Variants in A2ML1 observed in about 807,000 individuals in gnomAD.
A2ML1 encodes the protein alpha-2-macroglobulin-like protein 1.
Under a neutral mutation model 181.9 loss-of-function variants are expected in A2ML1, and 161 were observed. The observed-to-expected ratio is 0.89, with a 90% CI of 0.78 to 1.01. The LOEUF is 1.01. A2ML1 is among the 50% of genes least tolerant of loss of function. The pLI is 0.00. For synonymous variants in A2ML1, 663 were observed against 666.8 expected, an observed-to-expected ratio of 0.99 and a Z score of 0.09; for missense variants, 1,670 against 1,768.1, an observed-to-expected ratio of 0.94 and a Z score of 1.00.
At chr12:8,846,377 T>C (rs1386860975) in intron 14 of A2ML1, among the ~76,000 whole-genome samples, 155 bp downstream of exon 14, 5 of 152,168 alleles carry the variant, frequency 3.3e-5, no homozygotes, top group Non-Finnish European at 5.9e-5. Context: ...GGGGTTTGTG[T>C]TGAAATCCAT....
rs1216879179 is a variant in A2ML1, at chr12:8,848,858, TC to T, written c.1974del (p.Ile659LeufsTer22). 1.2e-6 allele frequency: 2 copies of T among 1,614,038 alleles called. No individual in the cohort carries two copies. The highest frequency in any genetic ancestry group is 8.5e-7 in the Non-Finnish European group (1 of 1,180,034). ...GCCCCAAGGGCATTCGAGCCAGCGTTCCATTATCTGGAGGCCCTCGTTCTCT... is the reference window on the plus strand; with the variant it reads ...GCCCCAAGGGCATTCGAGCCAGCGTTCATTATCTGGAGGCCCTCGTTCTCT... ...PMPQGHSSQR[S>X]IIWRPSFSEG... On this transcript the variant is annotated frameshift_variant, in exon 16 of 36. Transcript: ENST00000299698. LOFTEE classifies it high-confidence loss of function.
intron 12 of A2ML1, among the ~76,000 whole-genome samples, chr12:8,844,299 G>A (rs941818132): frequency 2.0e-5 from 3 of 147,314 alleles, no homozygotes; most frequent in African/African-American, 5.0e-5. Context: ...ACAGGGTTTC[G>A]CCATGTTGGC....
intron 26 of A2ML1, 142 bp from the exon 27 acceptor site, chr12:8,860,739 C>G: frequency 1.4e-6 from 1 of 695,596 alleles, no homozygotes; most frequent in Non-Finnish European, 2.4e-6. Flanking sequence ...TGCAGAAAGC[C>G]TGTGGAAAAA....
rs1943924894 is a variant in A2ML1 at position 8,852,389 on chromosome 12, T to C, written c.2590+53T>C. 1 of 1,608,312 alleles carries C rather than the reference T, an allele frequency of 6.2e-7. No homozygotes were observed. Among genetic ancestry groups the C allele is most frequent in the Non-Finnish European group, 8.5e-7 (1 of 1,176,824 alleles). Reference sequence around the variant, plus strand: ...AGGAAAGCCAGCAGCAGAAGACCAGTGACTGAGCACTCAGTCTTTTCCTCT... The same window carrying C: ...AGGAAAGCCAGCAGCAGAAGACCAGCGACTGAGCACTCAGTCTTTTCCTCT... On this transcript the variant is annotated intron_variant, in intron 20 of 35. Transcript: ENST00000299698. The surrounding 1 kb of genome is among the most constrained non-coding windows in gnomAD (Gnocchi z 4.2).
intron 4 of A2ML1, among the ~76,000 whole-genome samples, chr12:8,833,515 G>C (rs1360833571): frequency 6.6e-6 from 1 of 152,118 alleles, no homozygotes; most frequent in Non-Finnish European, 1.5e-5. Context: ...TTCTGCCTCA[G>C]CCTCCGGAGT....
Position 8,851,956 on chromosome 12 carries a change from G to A in A2ML1, c.2407G>A (p.Gly803Arg). The change falls in exon 19 of 36, where the codon GGG becomes AGG. Residue 803 changes from glycine to arginine, a missense_variant. Gly to Arg is a moderately radical substitution (Grantham distance 125). Transcript: ENST00000299698. ...GACTCTCCCTTACTCAGTAGTCCGT[G>A]GGGAATCCTTTCGTCTTACTGCCAC... ...DLTLPYSVVR[G>R]ESFRLTATIF... 1 of 1,614,136 alleles carries A rather than the reference G, an allele frequency of 6.2e-7. No homozygotes were observed. Among genetic ancestry groups the A allele is most frequent in the Non-Finnish European group, 8.5e-7 (1 of 1,180,026 alleles).
At chr12:8,841,598 A>C in intron 11 of A2ML1, 62 bp downstream of exon 11, 1 of 1,548,150 alleles carries the variant, frequency 6.5e-7, no homozygotes, top group Non-Finnish European at 8.8e-7. Context: ...AAAACTTCAG[A>C]ATTTTCCTGT....
At chr12:8,869,077 A>G in intron 32 of A2ML1, 58 bp from the exon 33 acceptor site, 1 of 1,549,332 alleles carries the variant, frequency 6.5e-7, no homozygotes, top group Non-Finnish European at 8.9e-7. Flanking sequence ...GCTTTGGAAG[A>G]CTACCCCAGG....
rs1943815095 is a variant in A2ML1 at position 8,849,533 on chromosome 12, G to A, written c.2029-136G>A. On this transcript the variant is annotated intron_variant, in intron 16 of 35. Transcript: ENST00000299698. ...AACCAGCCTCAGTGGCTGAGTTTCAGGTAAGAACACCCAGGTTCACCATTA... is the reference window on the plus strand; with the variant it reads ...AACCAGCCTCAGTGGCTGAGTTTCAAGTAAGAACACCCAGGTTCACCATTA... 16 of 711,958 alleles carry A rather than the reference G, an allele frequency of 2.2e-5. No individual in the cohort carries two copies. The South Asian group carries it at 3.2e-4, about 14-fold the overall frequency. 44.1% of individuals were successfully genotyped at this position (711,958 alleles called of 1,614,324 possible).
chr12:8,834,920 G>A (rs772258240), intron 5 of A2ML1: 19 of 544,164 alleles, frequency 3.5e-5, no homozygotes, highest in South Asian at 2.9e-4. Flanking sequence ...TGACTACACC[G>A]CTCTCTCATT....
rs752763294 is a variant in A2ML1 at position 8,869,140 on chromosome 12, C to G, written c.4158C>G (p.Leu1386=). The G allele has an allele frequency of 5.0e-6, 8 of 1,613,910 alleles. No individual in the cohort carries two copies. Among genetic ancestry groups the G allele is most frequent in the Non-Finnish European group, 6.8e-6 (8 of 1,180,014 alleles). Residue 1386 remains leucine (L), a synonymous_variant, in exon 33 of 36, where the codon CTC becomes CTG. Coordinates refer to ENST00000299698, the MANE Select transcript of A2ML1 (RefSeq NM_144670.6). ...TTTCTCCCTCTCTTATTCAGCTTCT[C>G]CAGCAACCCCTGGTGAAGAAGGTTG... The part of the protein sequence containing the change: ...SPMEGTNQLL[L]QQPLVKKVEF...
At chr12:8,871,704 T>C (rs772749081) in intron 33 of A2ML1, among the ~76,000 whole-genome samples, 18 of 152,184 alleles carry the variant, frequency 1.2e-4, no homozygotes, top group Admixed American at 7.9e-4. Flanking sequence ...GATATATATG[T>C]TATGAACATA....
intron 14 of A2ML1, 108 bp from the exon 15 acceptor site, chr12:8,847,441 T>G: frequency 1.6e-6 from 2 of 1,275,024 alleles, no homozygotes; most frequent in Non-Finnish European, 2.2e-6. Flanking sequence ...AGTGAAAGAA[T>G]GGGTTGGATG....
chr12:8,834,128 C>T (rs765495119), intron 4 of A2ML1, among the ~76,000 whole-genome samples: 1 of 152,250 alleles, frequency 6.6e-6, no homozygotes, highest in African/African-American at 2.4e-5. Context: ...AATGGTTTCA[C>T]ATCTATTTAG....
At chr12:8,874,392 T>A in intron 33 of A2ML1, 33 bp from the exon 34 acceptor site, 1 of 1,506,546 alleles carries the variant, frequency 6.6e-7, no homozygotes, top group Non-Finnish European at 9.2e-7. Context: ...TCATTTTACT[T>A]CTAAGGTACT....
At chr12:8,853,988 C>G in intron 20 of A2ML1, 140 bp from the exon 21 acceptor site, 1 of 1,129,264 alleles carries the variant, frequency 8.9e-7, no homozygotes, top group Non-Finnish European at 1.2e-6. Flanking sequence ...AATATGGGCC[C>G]CACCCCAGGT....
In A2ML1 at chr12:8,841,614, A is replaced by G. The variant is rs746641697; in HGVS notation, c.1248+78A>G. ...AAACTTCAGAATTTTCCTGTTTCCT[A>G]TTCTCCCCTCTGCTTGGAATTACAT... On this transcript the variant is annotated intron_variant, in intron 11 of 35. Transcript: ENST00000299698. 8.9e-6 allele frequency: 13 copies of G among 1,467,194 alleles called. No homozygotes were observed. In the Admixed American group the frequency reaches 2.1e-4, roughly 23 times the overall value. 90.9% of individuals were successfully genotyped at this position (1,467,194 alleles called of 1,614,324 possible).
chr12:8,825,763 T>G (rs1942909398), intron 3 of A2ML1, among the ~76,000 whole-genome samples: 1 of 152,192 alleles, frequency 6.6e-6, no homozygotes, highest in East Asian at 1.9e-4. Context: ...CATTTTGACT[T>G]GATTTTTCTA....
At chr12:8,861,704 G>T (rs1368361242) in intron 28 of A2ML1, among the ~76,000 whole-genome samples, 1 of 151,588 alleles carries the variant, frequency 6.6e-6, no homozygotes, top group Non-Finnish European at 1.5e-5. Context: ...AGCCAGGATG[G>T]TCTCGATCTC....
Sources: allele counts gnomAD v4.1 joint callset (sites outside exome capture counted in the v4.1 genomes callset), GRCh38; gene constraint gnomAD v4.1.1; non-coding constraint Gnocchi (gnomAD v3.1); transcripts MANE v1.5; gene names NCBI Gene and HGNC (gene_info 2026-07-23, HGNC 2026-07-21).